The following RIMS1 variants were observed in gnomAD, a reference collection of about 807,000 sequenced individuals.
The protein encoded by RIMS1 is regulating synaptic membrane exocytosis protein 1.
Under a neutral mutation model 214.1 loss-of-function variants are expected in RIMS1, and 83 were observed. The observed-to-expected ratio is 0.39, with a 90% CI of 0.32 to 0.47. The LOEUF (loss-of-function observed/expected upper bound fraction) is 0.47, where lower values mean the gene tolerates loss of function less well. Ranked by LOEUF, RIMS1 falls within the 20% of genes least tolerant of loss-of-function variation. RIMS1 has a pLI of 0.99. For missense variants in RIMS1, 2,050 were observed against 2,161.8 expected (o/e 0.95, Z 1.03); for synonymous variants, 793 against 786.8 (o/e 1.01, Z -0.13).
chr6:71,989,889 C>G (rs1801078236), intron 2 of RIMS1, among the ~76,000 whole-genome samples: 1 of 152,034 alleles, frequency 6.6e-6, no homozygotes, highest in Non-Finnish European at 1.5e-5. Flanking sequence ...TCAGGCCACA[C>G]TAACCCTCAC....
chr6:72,095,814 A>T (rs1426227065), intron 2 of RIMS1, among the ~76,000 whole-genome samples: 1 of 152,222 alleles, frequency 6.6e-6, no homozygotes, highest in East Asian at 1.9e-4. Context: ...TGAATTAACA[A>T]AAGCATCTGT....
At chr6:72,191,011 C>T (rs1464840249) in intron 6 of RIMS1, among the ~76,000 whole-genome samples, 1 of 152,170 alleles carries the variant, frequency 6.6e-6, no homozygotes, top group Admixed American at 6.5e-5. Flanking sequence ...GGGTGCCTGC[C>T]AAAGGCTCCA....
intron 6 of RIMS1, among the ~76,000 whole-genome samples, chr6:72,192,448 G>A (rs1383568142): frequency 6.6e-6 from 1 of 152,238 alleles, no homozygotes; most frequent in African/African-American, 2.4e-5. Flanking sequence ...TTCAATGGGT[G>A]CTGGGTCTGT....
intron 1 of RIMS1, 114 bp from the exon 2 acceptor site, chr6:71,968,869 G>A (rs1795118015): frequency 1.9e-6 from 2 of 1,060,492 alleles, no homozygotes; most frequent in Admixed American, 1.9e-5. Context: ...TAATGTTGAA[G>A]GGGCTTTCAA....
intron 4 of RIMS1, among the ~76,000 whole-genome samples, chr6:72,168,798 GAGACAGTTAACAACTTTGCCTGACC>G (rs2046635872): frequency 6.9e-6 from 1 of 145,312 alleles, no homozygotes; most frequent in Admixed American, 7.1e-5. Context: ...TTATTTTAGA[GAGACAGTTAACAACTTTGCCTGACC>G]ATCACTTGAT....
rs569515968 is a variant in RIMS1 at position 72,393,263 on chromosome 6, C to T, written c.4618+453C>T. On this transcript the variant is annotated intron_variant, in intron 31 of 33. Coordinates refer to ENST00000521978, the MANE Select transcript of RIMS1 (RefSeq NM_014989.7). ...AAACACTAAAAAGTACTGGAGAACA[C>T]TTAAGTTAATCTGTCTGTAATCTTG... Among the ~76,000 whole-genome samples the T allele has an allele frequency of 2.6e-5, 4 of 152,038 alleles. No individual in the cohort carries two copies. In the South Asian group the frequency reaches 8.3e-4, roughly 32 times the overall value.
At chr6:71,949,710 A>C (rs1345867304) in intron 1 of RIMS1, among the ~76,000 whole-genome samples, 2 of 152,174 alleles carry the variant, frequency 1.3e-5, no homozygotes, top group Non-Finnish European at 2.9e-5. Flanking sequence ...TAATTATAAG[A>C]TCTCCATTTA....
chr6:71,992,028 C>T (rs556115960), intron 2 of RIMS1, among the ~76,000 whole-genome samples: 1 of 151,966 alleles, frequency 6.6e-6, no homozygotes, highest in African/African-American at 2.4e-5. Flanking sequence ...CACGCCACTG[C>T]ACTCCAGCCT....
intron 4 of RIMS1, among the ~76,000 whole-genome samples, chr6:72,115,977 A>G (rs2037000421): frequency 1.3e-5 from 2 of 151,962 alleles, no homozygotes; most frequent in Admixed American, 1.3e-4. Context: ...ATTCTTACTG[A>G]CAATATAAAT....
At chr6:72,088,788 A>C (rs1000896781) in intron 2 of RIMS1, among the ~76,000 whole-genome samples, 5 of 152,186 alleles carry the variant, frequency 3.3e-5, no homozygotes, top group Admixed American at 3.3e-4. Flanking sequence ...AAGACCCCTC[A>C]TATAAGTAAT....
intron 6 of RIMS1, among the ~76,000 whole-genome samples, chr6:72,219,326 G>A (rs887774950): frequency 6.6e-6 from 1 of 152,030 alleles, no homozygotes. Flanking sequence ...CTAATGAAAT[G>A]GTTTCAGATA....
chr6:72,031,611 G>A (rs79817231), intron 2 of RIMS1, among the ~76,000 whole-genome samples: 1 of 152,104 alleles, frequency 6.6e-6, no homozygotes, highest in South Asian at 2.1e-4. Context: ...TAAACACTCA[G>A]AAAGCAATAA....
intron 4 of RIMS1, among the ~76,000 whole-genome samples, chr6:72,147,966 A>G (rs1167374601): frequency 6.6e-6 from 1 of 152,120 alleles, no homozygotes; most frequent in Non-Finnish European, 1.5e-5. Flanking sequence ...ATTCCCCTAC[A>G]CTGTGGAGCC....
rs1421255813 is a variant in RIMS1, at chr6:72,392,721, T to C, written c.4529T>C (p.Leu1510Pro). The C allele has an allele frequency of 6.2e-7, 1 of 1,613,370 alleles. No individual in the cohort carries two copies. The highest frequency in any genetic ancestry group is 8.5e-7 in the Non-Finnish European group (1 of 1,179,334). The change falls in exon 31 of 34, where the codon CTG (leucine) becomes CCG (proline). Residue 1510 changes from leucine (L) to proline (P), a missense_variant. By Grantham distance (98) the Leu-to-Pro change is moderately conservative. Coordinates refer to ENST00000521978, the MANE Select transcript of RIMS1 (RefSeq NM_014989.7). Reference protein sequence around the residue: ...EGNLIFPGVRLGADSQFSDFL... With the variant: ...EGNLIFPGVRPGADSQFSDFL... The stretch of plus-strand genomic sequence containing the variant: ...AGTTTAATATTTCCTGGAGTGCGAC[T>C]GGGAGCTGACAGTCAATTCAGTGAT...
intron 6 of RIMS1, among the ~76,000 whole-genome samples, chr6:72,208,213 A>G (rs2053253295): frequency 6.6e-6 from 1 of 152,234 alleles, no homozygotes; most frequent in Middle Eastern, 3.2e-3. Context: ...AAAACAAGCA[A>G]CAAGTCTGTT....
At position 72,344,863 on chromosome 6, in the gene RIMS1, A is replaced by G. The variant is rs549542877; in HGVS notation, c.4366+11028A>G. Among the ~76,000 whole-genome samples, 3 of 151,922 alleles carry G rather than the reference A, an allele frequency of 2.0e-5. No homozygotes were observed. In the South Asian group the frequency reaches 6.2e-4, roughly 32 times the overall value. On this transcript the variant is annotated intron_variant, in intron 29 of 33. Coordinates refer to ENST00000521978, the MANE Select transcript of RIMS1 (RefSeq NM_014989.7). ...TGAAATATAAATTTTACGTTTGGCT[A>G]AGATATAGATATACTTTTAGGTTGG...
intron 29 of RIMS1, among the ~76,000 whole-genome samples, chr6:72,383,608 TAAAA>T (rs1170633297): frequency 3.5e-4 from 30 of 85,934 alleles, no homozygotes; most frequent in Admixed American, 8.7e-4. Flanking sequence ...ACCCCATCTC[TAAAA>T]AAAAAAAAAA....
intron 29 of RIMS1, among the ~76,000 whole-genome samples, chr6:72,380,781 G>A (rs1185202223): frequency 1.1e-4 from 16 of 151,808 alleles, no homozygotes; most frequent in Admixed American, 9.8e-4. Flanking sequence ...ATCCTCCCAC[G>A]TCGGCCTTCC....
rs1455269843 is a variant in RIMS1, at chr6:72,250,406, T to C, written c.2318T>C (p.Val773Ala). The C allele has an allele frequency of 6.2e-7, 1 of 1,608,360 alleles. No individual in the cohort carries two copies. The highest frequency in any genetic ancestry group is 1.3e-5 in the African/African-American group (1 of 74,832). ...CAAGCAACAGATCTACCTGCTAGAG[T>C]AGATGGACGTCCTCGAAATCCCTAT... ...VLQATDLPAR[V>A]DGRPRNPYVK... Residue 773 changes from valine (V) to alanine (A), a missense_variant, in exon 13 of 34, where the codon GTA (valine) becomes GCA (alanine). Physicochemically the swap from Val to Ala is moderately conservative, Grantham distance 64. Coordinates refer to ENST00000521978, the MANE Select transcript of RIMS1 (RefSeq NM_014989.7).
Sources: allele counts gnomAD v4.1 joint callset (sites outside exome capture counted in the v4.1 genomes callset), GRCh38; gene constraint gnomAD v4.1.1; transcripts MANE v1.5; gene names NCBI Gene and HGNC (gene_info 2026-07-23, HGNC 2026-07-21).